Variants in BDKRB2 observed in about 807,000 individuals in gnomAD.
The protein encoded by BDKRB2 is bradykinin receptor B2, also known as B2 bradykinin receptor.
A neutral mutation model predicts 4.0 loss-of-function variants in BDKRB2; 6 were observed. The ratio of observed to expected loss-of-function variants is 1.49; its 90% CI spans 0.81 to 2.93. The LOEUF is 2.93. BDKRB2 is among the 30% of genes most tolerant of loss of function. The probability of loss-of-function intolerance (pLI) is 0.00; values close to 1 mark genes in which losing one functional copy is unlikely to be tolerated. For missense variants in BDKRB2, 478 were observed against 520.1 expected (o/e 0.92, Z 0.79); for synonymous variants, 225 against 215.3 (o/e 1.05, Z -0.40).
chr14:96,241,250 C>A lies in BDKRB2; in HGVS notation c.922C>A (p.Arg308Ser). ...LGILSSCQDE[R>S]IIDVITQIAS... ...CATCCTCTCCAGCTGCCAGGACGAG[C>A]GCATCATCGATGTAATCACACAGAT... Residue 308 changes from arginine (R) to serine (S), a missense_variant, in exon 3 of 3, where the codon CGC (arginine) becomes AGC (serine). Physicochemically the swap from Arg to Ser is moderately radical, Grantham distance 110. Coordinates refer to ENST00000554311, the MANE Select transcript of BDKRB2 (RefSeq NM_001379692.1). 1.9e-6 allele frequency: 3 copies of A among 1,613,274 alleles called. No homozygotes were observed. The highest frequency in any genetic ancestry group is 2.5e-6 in the Non-Finnish European group (3 of 1,179,358).
rs1230747543 is a variant in BDKRB2, at chr14:96,240,523, G to C, written c.195G>C (p.Trp65Cys). The C allele has an allele frequency of 6.3e-7, 1 of 1,581,170 alleles. No homozygotes were observed. Among genetic ancestry groups the C allele is most frequent in the African/African-American group, 1.4e-5 (1 of 73,962 alleles). The change falls in exon 3 of 3, where the codon TGG becomes TGC. Residue 65 changes from tryptophan to cysteine, a missense_variant. Trp to Cys is a radical substitution (Grantham distance 215). Coordinates refer to ENST00000554311, the MANE Select transcript of BDKRB2 (RefSeq NM_001379692.1). ...ACACCATCCAGCCCCCCTTCCTCTG[G>C]GTGCTGTTCGTGCTGGCCACCCTAG... ...WLNTIQPPFLWVLFVLATLEN... is the reference protein window; with the variant it reads ...WLNTIQPPFLCVLFVLATLEN...
intron 1 of BDKRB2, among the ~76,000 whole-genome samples, chr14:96,218,317 G>C (rs1184141945): frequency 6.6e-6 from 1 of 152,146 alleles, no homozygotes; most frequent in Non-Finnish European, 1.5e-5. Context: ...TAGCATGTCT[G>C]TGGTCCTTGA....
In BDKRB2 at chr14:96,204,882, TGGGGACG is replaced by T. The variant is rs1566685364; in HGVS notation, c.-115_-109del. The T allele has an allele frequency of 2.9e-6, 1 of 348,724 alleles. No homozygotes were observed. Among genetic ancestry groups the T allele is most frequent in the Non-Finnish European group, 5.7e-6 (1 of 175,754 alleles). The allele number at this position is 348,724 out of a possible 1,614,324, so 21.6% of individuals were successfully genotyped here. A position where few individuals can be genotyped will look rare whatever the true frequency, so the allele number is the denominator to read the frequency against. ...GGGCTCCGAGGAGGGGTGGGGACGG[TGGGGACG>T]GTGGGGACATCAGGCTGCCCCGCAG... On this transcript the variant is annotated 5_prime_UTR_variant, in exon 1 of 3. Coordinates refer to ENST00000554311, the MANE Select transcript of BDKRB2 (RefSeq NM_001379692.1).
chr14:96,219,510 G>T (rs1012159845), intron 1 of BDKRB2, among the ~76,000 whole-genome samples: 4 of 151,772 alleles, frequency 2.6e-5, no homozygotes, highest in Non-Finnish European at 5.9e-5. Context: ...GCTGACAGAG[G>T]AGACAGAGGC....
intron 1 of BDKRB2, 78 bp from the exon 2 acceptor site, chr14:96,236,991 T>C: frequency 5.8e-6 from 5 of 855,782 alleles, no homozygotes; most frequent in Non-Finnish European, 9.8e-6. Flanking sequence ...TCTCCATTTC[T>C]CCTCCCTGCT....
chr14:96,208,282 A>G (rs909193805), intron 1 of BDKRB2, among the ~76,000 whole-genome samples: 3 of 152,232 alleles, frequency 2.0e-5, no homozygotes, highest in African/African-American at 7.2e-5. Flanking sequence ...AACGTAAGGC[A>G]TGAAGTATTT....
intron 1 of BDKRB2, 83 bp from the exon 2 acceptor site, chr14:96,236,986 A>C: frequency 1.2e-6 from 1 of 838,734 alleles, no homozygotes; most frequent in East Asian, 2.4e-5. Flanking sequence ...AGCAGTCTCC[A>C]TTTCTCCTCC....
At chr14:96,236,652 G>C (rs1288589290) in intron 1 of BDKRB2, among the ~76,000 whole-genome samples, 2 of 152,150 alleles carry the variant, frequency 1.3e-5, no homozygotes, top group East Asian at 3.9e-4. Flanking sequence ...CTGAGCAGCA[G>C]CCAGGGCCTA....
At chr14:96,239,500 G>C (rs1448570679) in intron 2 of BDKRB2, 1 of 985,350 alleles carries the variant, frequency 1.0e-6, no homozygotes, top group Non-Finnish European at 1.2e-6. Flanking sequence ...GAATGAAAGA[G>C]GAGCCAGTGG....
chr14:96,240,290 C>A, intron 2 of BDKRB2, 113 bp from the exon 3 acceptor site: 4 of 1,343,508 alleles, frequency 3.0e-6, no homozygotes, highest in Non-Finnish European at 3.8e-6. Context: ...AGCTCCACCT[C>A]GGCTTCTCCT....
At chr14:96,220,285 A>G (rs73359933) in intron 1 of BDKRB2, among the ~76,000 whole-genome samples, 31,093 of 151,886 alleles carry the variant, frequency 0.2, 3,300 homozygotes, top group South Asian at 0.26. Context: ...AAAAGTGTCT[A>G]TCAGGACTCT....
chr14:96,212,353 G>A (rs1289655602), intron 1 of BDKRB2, among the ~76,000 whole-genome samples: 1 of 151,872 alleles, frequency 6.6e-6, no homozygotes, highest in Non-Finnish European at 1.5e-5. Flanking sequence ...CATAGTCAGG[G>A]GATGAGTCAT....
In BDKRB2 at chr14:96,243,941, G is replaced by A. The variant is rs115803963; in HGVS notation, c.*2437G>A. The A allele has an allele frequency of 7.9e-4, 293 of 370,030 alleles. 1 individual carries two copies. The highest frequency in any genetic ancestry group is 5.3e-3 in the African/African-American group (257 of 48,176). 22.9% of individuals were successfully genotyped at this position (370,030 alleles called of 1,614,324 possible). ...ACTCTCTTAGGAGCAGAGCTCTGCC[G>A]CAATGGCCATGTGGGGATCCACACC... On this transcript the variant is annotated 3_prime_UTR_variant, in exon 3 of 3. Transcript: ENST00000554311.
At position 96,220,562 on chromosome 14, in the gene BDKRB2, T is replaced by G. The variant is rs1456098344; in HGVS notation, c.-40+15603T>G. ...GAGTTGGGGTCATTGGCTGAGATCC[T>G]GCAGATCTGGAGGTACCAACATGAG... On this transcript the variant is annotated intron_variant, in intron 1 of 2. Transcript: ENST00000554311. Among the ~76,000 whole-genome samples the G allele has an allele frequency of 2.0e-5, 3 of 152,212 alleles. No individual in the cohort carries two copies. The East Asian group carries it at 5.8e-4, about 29-fold the overall frequency.
intron 1 of BDKRB2, among the ~76,000 whole-genome samples, chr14:96,234,643 C>T (rs10130005): frequency 0.82 from 124,814 of 152,186 alleles, 51,336 homozygotes; most frequent in African/African-American, 0.86. Flanking sequence ...CCCAGTTCCT[C>T]AACCCGCCTG....
At chr14:96,230,448 G>A (rs1483310865) in intron 1 of BDKRB2, among the ~76,000 whole-genome samples, 1 of 152,186 alleles carries the variant, frequency 6.6e-6, no homozygotes. Context: ...AGGCTGGAGT[G>A]CAACGGTGCG....
intron 2 of BDKRB2, chr14:96,239,507 G>T: frequency 1.0e-6 from 1 of 985,410 alleles, no homozygotes; most frequent in Non-Finnish European, 1.2e-6. Context: ...AGAGGAGCCA[G>T]TGGGTTAAAG....
intron 1 of BDKRB2, among the ~76,000 whole-genome samples, chr14:96,216,697 G>A (rs1259943419): frequency 7.9e-6 from 1 of 126,544 alleles, no homozygotes; most frequent in Non-Finnish European, 1.6e-5. Flanking sequence ...GAGGAGGAAG[G>A]AGGAGGAAGG....
chr14:96,232,416 C>A (rs1890839175), intron 1 of BDKRB2, among the ~76,000 whole-genome samples: 1 of 152,254 alleles, frequency 6.6e-6, no homozygotes, highest in Non-Finnish European at 1.5e-5. Context: ...GGCTTTCAGG[C>A]TGTGTTTCCC....
Sources: gnomAD v4.1 joint callset for allele counts (sites outside exome capture counted in the v4.1 genomes callset) on GRCh38, gnomAD v4.1.1 for gene constraint, MANE v1.5 for transcripts, NCBI Gene and HGNC (gene_info 2026-07-23, HGNC 2026-07-21) for gene names.